Variants in LRRC25 observed in about 807,000 individuals in gnomAD.
LRRC25 encodes leucine-rich repeat-containing protein 25.
Under a neutral mutation model 18.8 loss-of-function variants are expected in LRRC25, and 5 were observed. The ratio of observed to expected loss-of-function variants is 0.27; its 90% CI spans 0.14 to 0.56. The LOEUF (loss-of-function observed/expected upper bound fraction) is 0.56, where lower values mean the gene tolerates loss of function less well. Ranked by LOEUF, LRRC25 falls within the 20% of genes least tolerant of loss-of-function variation. The pLI is 0.93. For synonymous variants in LRRC25, 161 were observed against 176.8 expected (o/e 0.91, Z 0.71); for missense variants, 341 against 389.8 (o/e 0.87, Z 1.05).
In LRRC25 at chr19:18,392,588, C is replaced by A. The variant is rs188135231; in HGVS notation, c.780-463G>T. ...CACGGGCTAGCGTTCTGACTCCTAG[C>A]CAACCCCACCTCTCTCTGAGGAGGC... On this transcript the variant is annotated intron_variant, in intron 1 of 1. Transcript: ENST00000339007. Among the ~76,000 whole-genome samples the A allele has an allele frequency of 1.3e-3, 196 of 152,160 alleles. 2 individuals are homozygous for A. The highest frequency in any genetic ancestry group is 4.1e-4 in the Non-Finnish European group (28 of 68,018).
Position 18,392,076 on chromosome 19 carries a change from C to G in LRRC25, c.829G>C (p.Asp277His). ...NDFYINYKDIDLASQPVYCNL... is the reference protein window; with the variant it reads ...NDFYINYKDIHLASQPVYCNL... ...CAGTAGACAGGCTGGGAAGCCAGGT[C>G]GATGTCCTTGTAGTTGATGTAAAAG... The change falls in exon 2 of 2, where the codon GAC becomes CAC. Residue 277 changes from aspartate to histidine, a missense_variant. By Grantham distance (81) the Asp-to-His change is moderately conservative. Transcript: ENST00000339007. 1 of 1,614,008 alleles carries G rather than the reference C, an allele frequency of 6.2e-7. No homozygotes were observed.
chr19:18,392,500 A>G (rs536027066), intron 1 of LRRC25, among the ~76,000 whole-genome samples: 2 of 151,968 alleles, frequency 1.3e-5, no homozygotes, highest in African/African-American at 4.8e-5. Flanking sequence ...TCAGAAGGAA[A>G]AAAAAAAAGA....
In LRRC25 at chr19:18,392,020, C is replaced by T; in HGVS notation, c.885G>A (p.Met295Ile). Residue 295 changes from methionine to isoleucine, a missense_variant, in exon 2 of 2, where the codon ATG (methionine) becomes ATA (isoleucine). Transcript: ENST00000339007. ...CGGGGATCACGTACTCCTCTTCATC[C>T]ATTGGGGCCTGGCCCAGTGACTGCA... ...CNLQSLGQAP[M>I]DEEEYVIPGH 6.2e-7 allele frequency: 1 copy of T among 1,614,100 alleles called. No individual in the cohort carries two copies. The highest frequency in any genetic ancestry group is 8.5e-7 in the Non-Finnish European group (1 of 1,179,986).
In LRRC25 at chr19:18,396,168, C is replaced by A; in HGVS notation, c.779+17G>T. ...TATTATTCACCACTTTGGCAGGTGTCTCAGTGGCTTACTTACCCTTGTTCA... is the reference window on the plus strand; with the variant it reads ...TATTATTCACCACTTTGGCAGGTGTATCAGTGGCTTACTTACCCTTGTTCA... On this transcript the variant is annotated intron_variant, in intron 1 of 1. Coordinates refer to ENST00000339007, the MANE Select transcript of LRRC25 (RefSeq NM_145256.3). 6.4e-7 allele frequency: 1 copy of A among 1,571,828 alleles called. No homozygotes were observed. The highest frequency in any genetic ancestry group is 1.2e-5 in the South Asian group (1 of 85,842).
Position 18,396,483 on chromosome 19 carries a change from G to A in LRRC25, c.481C>T (p.Leu161=), listed in dbSNP as rs1260259279. 1.9e-6 allele frequency: 3 copies of A among 1,613,436 alleles called. No homozygotes were observed. Among genetic ancestry groups the A allele is most frequent in the African/African-American group, 1.3e-5 (1 of 74,934 alleles). The change falls in exon 1 of 2, where the codon CTG becomes TTG. Residue 161 remains leucine, a synonymous_variant. Transcript: ENST00000339007. The part of the protein sequence containing the change: ...AFLEVSCAPG[L]ASATIGAVVV... ...ACTGCCCCGATAGTTGCAGAGGCCA[G>A]GCCAGGGGCGCAGCTGACCTCCAGG...
In LRRC25 at chr19:18,392,125, C is replaced by A. The variant is rs1304226743; in HGVS notation, c.780G>T (p.Gly260=). ...PAAEHQWDEQ[G]AHPSEDNDFY... ...AGTCATTGTCCTCTGAAGGGTGAGCCCTGGGGGGACAGACAGACCAGGGGT... is the reference window on the plus strand; with the variant it reads ...AGTCATTGTCCTCTGAAGGGTGAGCACTGGGGGGACAGACAGACCAGGGGT... Residue 260 remains glycine (G), a splice_region_variant and synonymous_variant, in exon 2 of 2, where the codon GGG becomes GGT. Transcript: ENST00000339007. 7 of 1,613,452 alleles carry A rather than the reference C, an allele frequency of 4.3e-6. No individual in the cohort carries two copies. The African/African-American group carries it at 8.0e-5, about 18-fold the overall frequency.
At chr19:18,394,941 C>T (rs990100910) in intron 1 of LRRC25, among the ~76,000 whole-genome samples, 11 of 152,014 alleles carry the variant, frequency 7.2e-5, no homozygotes, top group Non-Finnish European at 1.2e-4. Flanking sequence ...TAGTTGGGTG[C>T]GGCGGCATGT....
intron 1 of LRRC25, among the ~76,000 whole-genome samples, chr19:18,395,836 T>G (rs1971961098): frequency 2.0e-5 from 3 of 152,180 alleles, no homozygotes; most frequent in Admixed American, 2.0e-4. Context: ...TTCTCTTGCC[T>G]CAGCCTCCTC....
chr19:18,396,955 G>A lies in LRRC25; in HGVS notation c.9C>T (p.Gly3=). ...GCAACAGCAGCGTCCATGCCAGGGT[G>A]CCCCCCATTCAAGCAACCTACGTAG... The part of the protein sequence containing the change: MG[G]TLAWTLLLPL... The change falls in exon 1 of 2, where the codon GGC becomes GGT. Residue 3 remains glycine, a synonymous_variant. Coordinates refer to ENST00000339007, the MANE Select transcript of LRRC25 (RefSeq NM_145256.3). 1 of 1,605,936 alleles carries A rather than the reference G, an allele frequency of 6.2e-7. No individual in the cohort carries two copies. The highest frequency in any genetic ancestry group is 8.5e-7 in the Non-Finnish European group (1 of 1,175,934).
intron 1 of LRRC25, among the ~76,000 whole-genome samples, chr19:18,394,789 ATC>A (rs1419112512): frequency 6.6e-6 from 1 of 152,188 alleles, no homozygotes; most frequent in Non-Finnish European, 1.5e-5. Flanking sequence ...CAGCAAAATC[ATC>A]CAGAAGCCGG....
intron 1 of LRRC25, among the ~76,000 whole-genome samples, chr19:18,393,453 T>A (rs1971926030): frequency 6.6e-6 from 1 of 152,050 alleles, no homozygotes; most frequent in Non-Finnish European, 1.5e-5. Context: ...CAAAACCCCG[T>A]CTCTACTAAA....
intron 1 of LRRC25, 22 bp downstream of exon 1, chr19:18,396,163 G>T (rs1045164228): frequency 6.4e-7 from 1 of 1,565,768 alleles, no homozygotes; most frequent in Non-Finnish European, 8.7e-7. Flanking sequence ...CACTTTGGCA[G>T]GTGTCTCAGT....
rs35572388 is a variant in LRRC25 at position 18,396,856 on chromosome 19, C to T, written c.108G>A (p.Ala36=). Residue 36 remains alanine, a synonymous_variant, in exon 1 of 2, where the codon GCG becomes GCA. Coordinates refer to ENST00000339007, the MANE Select transcript of LRRC25 (RefSeq NM_145256.3). ...AATTCAGGCACGTGGCACTGAACTC[C>T]GCGTTCCAGTCCACATCCGCGGAGG... ...TVSSADVDWN[A]EFSATCLNFS... is the part of the protein sequence containing the mutation. 1,165 of 1,613,880 alleles carry T rather than the reference C, an allele frequency of 7.2e-4. 8 individuals carry two copies. The African/African-American group carries it at 0.014, about 20-fold the overall frequency.
chr19:18,394,190 T>C (rs1971937190), intron 1 of LRRC25, among the ~76,000 whole-genome samples: 1 of 152,030 alleles, frequency 6.6e-6, no homozygotes, highest in African/African-American at 2.4e-5. Context: ...TCACAGCAAA[T>C]TCTCTGTTCT....
rs533040361 is a variant in LRRC25 at position 18,397,125 on chromosome 19, G to A, written c.-162C>T. Reference sequence around the variant, plus strand: ...AGTCTGGTCGCCTCCTTTGGCTGGTGGGCTGCCTCAGTCTCCCCTTCTGGG... The same window carrying A: ...AGTCTGGTCGCCTCCTTTGGCTGGTAGGCTGCCTCAGTCTCCCCTTCTGGG... On this transcript the variant is annotated 5_prime_UTR_variant, in exon 1 of 2. Transcript: ENST00000339007. 9.5e-6 allele frequency: 7 copies of A among 737,250 alleles called. No homozygotes were observed. In the South Asian group the frequency reaches 1.1e-4, roughly 12 times the overall value. The allele number at this position is 737,250 out of a possible 1,614,324, so 45.7% of individuals were successfully genotyped here.
intron 1 of LRRC25, among the ~76,000 whole-genome samples, chr19:18,395,188 G>A (rs963904968): frequency 2.1e-4 from 32 of 152,132 alleles, no homozygotes; most frequent in Admixed American, 6.6e-4. Context: ...TGGCTAACAC[G>A]GTGAAACCCC....
At chr19:18,395,370 CAAA>C (rs11334806) in intron 1 of LRRC25, among the ~76,000 whole-genome samples, 10 of 105,676 alleles carry the variant, frequency 9.5e-5, no homozygotes, top group Admixed American at 1.1e-4. Context: ...GACTCCATCT[CAAA>C]AAAAAAAAAA....
chr19:18,394,391 C>T (rs1290482501), intron 1 of LRRC25, among the ~76,000 whole-genome samples: 1 of 151,528 alleles, frequency 6.6e-6, no homozygotes, highest in Admixed American at 6.6e-5. Context: ...CTGCAACCTC[C>T]ACCTCCTGGG....
chr19:18,393,022 A>G (rs1466277406), intron 1 of LRRC25, among the ~76,000 whole-genome samples: 1 of 152,160 alleles, frequency 6.6e-6, no homozygotes, highest in Non-Finnish European at 1.5e-5. Context: ...GCTGTTCATT[A>G]TTACATTAAA....
Sources: gnomAD v4.1 joint callset for allele counts (sites outside exome capture counted in the v4.1 genomes callset) on GRCh38, gnomAD v4.1.1 for gene constraint, MANE v1.5 for transcripts, NCBI Gene and HGNC (gene_info 2026-07-23, HGNC 2026-07-21) for gene names.